Variants in LYPD8 observed in about 807,000 individuals in gnomAD.
The protein encoded by LYPD8 is LY6/PLAUR domain containing 8, also known as ly6/PLAUR domain-containing protein 8.
A neutral mutation model predicts 1.7 loss-of-function variants in LYPD8; 8 were observed. The ratio of observed to expected loss-of-function variants is 4.58; its 90% confidence interval spans 2.69 to 8.27. The LOEUF is 8.27. Among genes scored for constraint, LYPD8 ranks in the 30% most tolerant of loss-of-function variants. The probability of loss-of-function intolerance (pLI) is 0.00; values close to 1 mark genes in which losing one functional copy is unlikely to be tolerated. For synonymous variants in LYPD8, 50 were observed against 43.6 expected, an observed-to-expected ratio of 1.15 and a Z score of -0.58; for missense variants, 112 against 102.3, an observed-to-expected ratio of 1.09 and a Z score of -0.41.
In LYPD8 at chr1:248,739,489, C is replaced by T; in HGVS notation, c.*122G>A. ...GTCGGCATTGCCTGGAGACCTGTGA[C>T]TCCCACTTACTGGGCAGTTAAACGG... On this transcript the variant is annotated 3_prime_UTR_variant, in exon 7 of 7. Transcript: ENST00000590317. The surrounding 1 kb of genome is among the most constrained non-coding windows in gnomAD (Gnocchi z 4.3). The T allele has an allele frequency of 7.4e-7, 1 of 1,359,502 alleles. No homozygotes were observed. The highest frequency in any genetic ancestry group is 1.0e-6 in the Non-Finnish European group (1 of 1,003,248). 84.2% of individuals were successfully genotyped at this position (1,359,502 alleles called of 1,614,324 possible). A position where few individuals can be genotyped will look rare whatever the true frequency, so the allele number is the denominator to read the frequency against.
chr1:248,748,420 C>A lies in LYPD8; in HGVS notation c.206G>T (p.Cys69Phe). ...TPVRLYQNMFCSAENCSEETH... is the reference protein window; with the variant it reads ...TPVRLYQNMFFSAENCSEETH... ...CTCCTCACTGCAGTTCTCCGCTGAG[C>A]AGAACATATTCTGGTATAATCTGAC... The change falls in exon 5 of 7, where the codon TGC becomes TTC. Residue 69 changes from cysteine (C) to phenylalanine (F), a missense_variant. Cys to Phe is a radical substitution (Grantham distance 205, BLOSUM62 -2). Coordinates refer to ENST00000590317, the MANE Select transcript of LYPD8 (RefSeq NM_001085474.2). The A allele has an allele frequency of 4.7e-6, 2 of 422,946 alleles. No homozygotes were observed. The highest frequency in any genetic ancestry group is 8.2e-5 in the South Asian group (1 of 12,122). 26.2% of individuals were successfully genotyped at this position (422,946 alleles called of 1,614,324 possible).
intron 2 of LYPD8, among the ~76,000 whole-genome samples, chr1:248,753,207 A>AC (rs1558208920): frequency 6.1e-4 from 57 of 93,754 alleles, no homozygotes; most frequent in African/African-American, 1.9e-3. Context: ...CACCCCACAC[A>AC]ACACACACAC....
At chr1:248,742,881 C>G (rs1215239119) in intron 6 of LYPD8, among the ~76,000 whole-genome samples, 5 of 93,238 alleles carry the variant, frequency 5.4e-5, no homozygotes, top group Non-Finnish European at 5.7e-5. Flanking sequence ...TGTTGGCAGC[C>G]GGGTAGATTA....
intron 6 of LYPD8, among the ~76,000 whole-genome samples, chr1:248,742,776 G>C (rs1474013447): frequency 8.9e-5 from 9 of 100,838 alleles, no homozygotes; most frequent in East Asian, 3.2e-4. Flanking sequence ...TGTTGGCAGC[G>C]GGGGAGGTTA....
chr1:248,754,103 C>T (rs2103175516), intron 2 of LYPD8, among the ~76,000 whole-genome samples: 1 of 135,942 alleles, frequency 7.4e-6, no homozygotes, highest in South Asian at 2.3e-4. Flanking sequence ...ACACAAATAC[C>T]ACACCACACA....
chr1:248,752,464 A>T (rs961407302), intron 2 of LYPD8, among the ~76,000 whole-genome samples: 67 of 149,854 alleles, frequency 4.5e-4, no homozygotes, highest in African/African-American at 1.6e-3. Flanking sequence ...GGAAGCCCCT[A>T]CTCCCACCTC....
At chr1:248,740,010 T>G (rs34754014) in intron 6 of LYPD8, 161 bp from the exon 7 acceptor site, 6,918 of 356,398 alleles carry the variant, frequency 0.019, 365 homozygotes, top group African/African-American at 0.12. Context: ...GTGTTCAGAG[T>G]CAAGAACACC....
chr1:248,753,948 CAT>C (rs1408620909), intron 2 of LYPD8, among the ~76,000 whole-genome samples: 12 of 122,936 alleles, frequency 9.8e-5, no homozygotes, highest in South Asian at 2.4e-4. Context: ...CATAACATCA[CAT>C]GTCACACACA....
intron 2 of LYPD8, among the ~76,000 whole-genome samples, chr1:248,754,224 A>T (rs922905542): frequency 6.6e-6 from 1 of 150,870 alleles, no homozygotes; most frequent in Non-Finnish European, 1.5e-5. Flanking sequence ...CATACAACAC[A>T]CCACACACAT....
chr1:248,754,235 TAAAC>T (rs1461341359), intron 2 of LYPD8, among the ~76,000 whole-genome samples: 1 of 130,938 alleles, frequency 7.6e-6, no homozygotes, highest in African/African-American at 3.0e-5. Context: ...CCACACACAT[TAAAC>T]ACACACCCCA....
At chr1:248,751,780 C>A (rs1271534342) in intron 2 of LYPD8, among the ~76,000 whole-genome samples, 1 of 152,082 alleles carries the variant, frequency 6.6e-6, no homozygotes, top group Non-Finnish European at 1.5e-5. Flanking sequence ...CAACCGCCAG[C>A]CCACACTCCC....
At chr1:248,743,176 G>A (rs1445768024) in intron 6 of LYPD8, among the ~76,000 whole-genome samples, 3 of 152,118 alleles carry the variant, frequency 2.0e-5, no homozygotes, top group African/African-American at 7.2e-5. Context: ...AGTATAAAGA[G>A]GTTCGGGGCT....
At chr1:248,752,772 ACAC>A (rs1389659387) in intron 2 of LYPD8, among the ~76,000 whole-genome samples, 1 of 106,736 alleles carries the variant, frequency 9.4e-6, no homozygotes, top group Non-Finnish European at 1.9e-5. Context: ...CACACACCCC[ACAC>A]AACACACACC....
intron 2 of LYPD8, among the ~76,000 whole-genome samples, chr1:248,753,889 A>G (rs1414990239): frequency 2.0e-5 from 3 of 150,302 alleles, no homozygotes; most frequent in Non-Finnish European, 3.0e-5. Flanking sequence ...TCACACACAC[A>G]CCACACATCA....
intron 5 of LYPD8, among the ~76,000 whole-genome samples, chr1:248,746,380 G>A (rs1387172313): frequency 2.6e-5 from 4 of 152,192 alleles, no homozygotes; most frequent in Admixed American, 6.5e-5. Flanking sequence ...GAGGCATGGC[G>A]GAAGTGCTGG....
intron 2 of LYPD8, among the ~76,000 whole-genome samples, chr1:248,754,329 C>T (rs1662889794): frequency 1.3e-5 from 2 of 151,160 alleles, no homozygotes; most frequent in African/African-American, 4.9e-5. Flanking sequence ...CAAATCACAT[C>T]ACAGACACCA....
In LYPD8 at chr1:248,739,833, ACT is replaced by A; in HGVS notation, c.490_491del (p.Leu165ArgfsTer10). On this transcript the variant is annotated frameshift_variant, in exon 7 of 7. Transcript: ENST00000590317. LOFTEE classifies it low-confidence loss of function (END_TRUNC). The surrounding 1 kb of genome is among the most constrained non-coding windows in gnomAD (Gnocchi z 4.3). ...AELKNDIESK[S>X]LVLKGCSNVS... Reference sequence around the variant, plus strand: ...CGTTGGAACAGCCTTTCAGCACGAGACTCTTAGACTCAATGTCTGTGAATGCA... The same window carrying A: ...CGTTGGAACAGCCTTTCAGCACGAGACTTAGACTCAATGTCTGTGAATGCA... The A allele has an allele frequency of 6.4e-7, 1 of 1,551,560 alleles. No homozygotes were observed. Among genetic ancestry groups the A allele is most frequent in the East Asian group, 2.4e-5 (1 of 40,910 alleles).
At chr1:248,752,689 CCCCACA>C in intron 2 of LYPD8, among the ~76,000 whole-genome samples, 1 of 129,816 alleles carries the variant, frequency 7.7e-6, no homozygotes, top group Admixed American at 7.9e-5. Flanking sequence ...ACACACCACA[CCCCACA>C]ACACACACAC....
chr1:248,754,852 G>A (rs1406920862), intron 2 of LYPD8, among the ~76,000 whole-genome samples: 4 of 151,824 alleles, frequency 2.6e-5, no homozygotes, highest in African/African-American at 7.3e-5. Context: ...CTACATGCCC[G>A]GGTGCACCCC....
Sources: gnomAD v4.1 joint callset for allele counts (sites outside exome capture counted in the v4.1 genomes callset) on GRCh38, gnomAD v4.1.1 for gene constraint, Gnocchi (gnomAD v3.1) non-coding constraint, MANE v1.5 for transcripts, NCBI Gene and HGNC (gene_info 2026-07-23, HGNC 2026-07-21) for gene names.